The following KIFAP3 variants were observed in gnomAD, a reference collection of about 807,000 sequenced individuals.
KIFAP3 encodes the protein kinesin associated protein 3.
Under a neutral mutation model 106.5 loss-of-function variants are expected in KIFAP3, and 68 were observed. The observed-to-expected ratio is 0.64, with a 90% confidence interval of 0.53 to 0.78. The LOEUF is 0.78. Among genes scored for constraint, KIFAP3 ranks in the 30% least tolerant of loss-of-function variants. KIFAP3 has a pLI of 0.00. For synonymous variants in KIFAP3, 320 were observed against 311.5 expected, an observed-to-expected ratio of 1.03 and a Z score of -0.29; for missense variants, 780 against 941.8, an observed-to-expected ratio of 0.83 and a Z score of 2.25.
At chr1:169,943,653 A>T (rs1271327442) in intron 19 of KIFAP3, among the ~76,000 whole-genome samples, 1 of 152,202 alleles carries the variant, frequency 6.6e-6, no homozygotes, top group Non-Finnish European at 1.5e-5. Context: ...TTTTTACAAT[A>T]AGAGCATTTC....
intron 19 of KIFAP3, among the ~76,000 whole-genome samples, chr1:169,946,682 CAAATAAG>C (rs1207835466): frequency 2.6e-5 from 4 of 151,866 alleles, no homozygotes; most frequent in Non-Finnish European, 5.9e-5. Context: ...TTTTAATGAT[CAAATAAG>C]ATACATGAAG....
At chr1:169,956,641 G>C (rs1571557272) in intron 18 of KIFAP3, among the ~76,000 whole-genome samples, 1 of 143,152 alleles carries the variant, frequency 7.0e-6, no homozygotes, top group Non-Finnish European at 1.5e-5. Context: ...TAGACACAGG[G>C]TCTTGCTCTG....
chr1:170,034,526 A>G lies in KIFAP3; in HGVS notation c.618-30T>C, dbSNP rs377254116. ...AAAGAAGACATTTTAATATATATTT[A>G]AAAGAATACATTTTATGGGTACAGG... On this transcript the variant is annotated intron_variant, in intron 6 of 19. Transcript: ENST00000361580. 23 of 1,219,476 alleles carry G rather than the reference A, an allele frequency of 1.9e-5. No individual in the cohort carries two copies. The African/African-American group carries it at 3.3e-4, about 18-fold the overall frequency. 75.5% of individuals were successfully genotyped at this position (1,219,476 alleles called of 1,614,324 possible). A position where few individuals can be genotyped will look rare whatever the true frequency, so the allele number is the denominator to read the frequency against.
intron 1 of KIFAP3, among the ~76,000 whole-genome samples, chr1:170,067,234 G>A (rs905693737): frequency 6.6e-5 from 10 of 152,094 alleles, no homozygotes; most frequent in South Asian, 2.1e-4. Context: ...ATATGTACTT[G>A]AAGTCCCAGA....
chr1:169,954,173 C>T, intron 18 of KIFAP3, 63 bp from the exon 19 acceptor site: 1 of 910,486 alleles, frequency 1.1e-6, no homozygotes, highest in Non-Finnish European at 1.8e-6. Context: ...GTCTATCAAG[C>T]AATACAATAA....
intron 10 of KIFAP3, among the ~76,000 whole-genome samples, chr1:170,016,139 G>GT (rs199768050): frequency 7.4e-4 from 112 of 151,708 alleles, no homozygotes; most frequent in Middle Eastern, 3.4e-3. Context: ...TACCTGCGTT[G>GT]TTTTTTTTAA....
rs140324393 is a variant in KIFAP3 at position 170,035,771 on chromosome 1, C to T, written c.518-218G>A. 9.2e-5 allele frequency among the ~76,000 whole-genome samples: 14 copies of T among 152,012 alleles called. No homozygotes were observed. The East Asian group carries it at 2.3e-3, about 25-fold the overall frequency. On this transcript the variant is annotated intron_variant, in intron 5 of 19. Coordinates refer to ENST00000361580, the MANE Select transcript of KIFAP3 (RefSeq NM_014970.4). Reference sequence around the variant, plus strand: ...TGCTGCTTCAAGTATATACTATACACAGAAGTAATCAAATATGATTTAGAT... The same window carrying T: ...TGCTGCTTCAAGTATATACTATACATAGAAGTAATCAAATATGATTTAGAT...
At chr1:169,956,304 C>G (rs536529159) in intron 18 of KIFAP3, among the ~76,000 whole-genome samples, 147 of 152,068 alleles carry the variant, frequency 9.7e-4, no homozygotes, top group African/African-American at 3.5e-3. Context: ...AAAGTTTATA[C>G]TTATAAAATA....
chr1:170,062,791 T>C (rs1441116217), intron 1 of KIFAP3, among the ~76,000 whole-genome samples: 1 of 152,140 alleles, frequency 6.6e-6, no homozygotes, highest in African/African-American at 2.4e-5. Context: ...ATCATGCCTA[T>C]TCTTATCATG....
At chr1:169,947,129 C>A (rs897648024) in intron 19 of KIFAP3, among the ~76,000 whole-genome samples, 1 of 151,862 alleles carries the variant, frequency 6.6e-6, no homozygotes. Context: ...TTCATTAATA[C>A]TGAAGAAGGT....
At chr1:170,041,340 T>TA (rs1376574476) in intron 3 of KIFAP3, among the ~76,000 whole-genome samples, 2 of 152,170 alleles carry the variant, frequency 1.3e-5, no homozygotes, top group Non-Finnish European at 2.9e-5. Flanking sequence ...TGAGCATTGA[T>TA]ACATTATTTT....
chr1:169,991,148 T>G (rs769554471), intron 11 of KIFAP3, among the ~76,000 whole-genome samples: 1 of 151,978 alleles, frequency 6.6e-6, no homozygotes, highest in Non-Finnish European at 1.5e-5. Context: ...GAGACTATCC[T>G]GGGCAAGAAA....
At chr1:170,062,543 T>C (rs1453670213) in intron 1 of KIFAP3, among the ~76,000 whole-genome samples, 1 of 152,214 alleles carries the variant, frequency 6.6e-6, no homozygotes, top group East Asian at 1.9e-4. Context: ...CATCAATTTC[T>C]TCCATGTTCT....
chr1:170,007,947 G>T (rs1227438222), intron 10 of KIFAP3, among the ~76,000 whole-genome samples: 6 of 152,006 alleles, frequency 3.9e-5, no homozygotes, highest in Admixed American at 3.9e-4. Context: ...GAGAACAGAG[G>T]CCTCAGAAAT....
chr1:170,062,215 C>CAAA (rs112112967), intron 1 of KIFAP3, among the ~76,000 whole-genome samples: 1 of 85,296 alleles, frequency 1.2e-5, no homozygotes, highest in African/African-American at 3.9e-5. Flanking sequence ...GAGATACCAT[C>CAAA]AAAAAAAAAA....
At chr1:170,076,020 C>A (rs1443278529), upstream of KIFAP3, among the ~76,000 whole-genome samples, 1 of 152,094 alleles carries the variant, frequency 6.6e-6, no homozygotes, top group Non-Finnish European at 1.5e-5. Flanking sequence ...ACTTTAAAAT[C>A]TTCACAATAC....
chr1:169,942,907 G>GC, intron 19 of KIFAP3, among the ~76,000 whole-genome samples: 1 of 27,834 alleles, frequency 3.6e-5, no homozygotes, highest in Non-Finnish European at 8.3e-5. Context: ...CAGTTTTAAA[G>GC]ACGCCCCCCC....
chr1:170,031,835 G>A (rs375125805), intron 8 of KIFAP3, 51 bp downstream of exon 8: 29 of 1,123,200 alleles, frequency 2.6e-5, no homozygotes, highest in Non-Finnish European at 3.8e-5. Context: ...CAAAACAAAT[G>A]TATTTGGAGT....
chr1:169,935,231 T>C lies in KIFAP3; in HGVS notation c.2274-13450A>G, dbSNP rs574678418. Among the ~76,000 whole-genome samples the C allele has an allele frequency of 8.1e-4, 124 of 152,162 alleles. 1 individual carries two copies. Among genetic ancestry groups the C allele is most frequent in the African/African-American group, 2.8e-3 (118 of 41,572 alleles). On this transcript the variant is annotated intron_variant, in intron 19 of 19. Coordinates refer to ENST00000361580, the MANE Select transcript of KIFAP3 (RefSeq NM_014970.4). ...CAATATAGCTTTATAGGTTTTTTTGTATAAATTTGAAAAGATGTAAATTTT... is the reference window on the plus strand; with the variant it reads ...CAATATAGCTTTATAGGTTTTTTTGCATAAATTTGAAAAGATGTAAATTTT...
Sources: gnomAD v4.1 joint callset for allele counts (sites outside exome capture counted in the v4.1 genomes callset) on GRCh38, gnomAD v4.1.1 for gene constraint, MANE v1.5 for transcripts, NCBI Gene and HGNC (gene_info 2026-07-23, HGNC 2026-07-21) for gene names.